Variants in TCTN2 observed in about 807,000 individuals in gnomAD.
TCTN2 encodes tectonic-2.
In TCTN2, 66 loss-of-function variants were observed where a neutral mutation model predicts 83.4. The observed-to-expected ratio is 0.79, with a 90% CI of 0.65 to 0.97. The LOEUF (loss-of-function observed/expected upper bound fraction) is 0.97. Among genes scored for constraint, TCTN2 ranks in the 50% least tolerant of loss-of-function variants. The pLI is 0.00. For synonymous variants in TCTN2, 301 were observed against 326.7 expected (o/e 0.92, Z 0.85); for missense variants, 794 against 858.1 (o/e 0.93, Z 0.93).
chr12:123,688,636 T>G (rs574134011), intron 7 of TCTN2, among the ~76,000 whole-genome samples: 1 of 152,354 alleles, frequency 6.6e-6, no homozygotes, highest in East Asian at 1.9e-4. Context: ...ACTGTTTATG[T>G]TCTCCAAATT....
At chr12:123,676,652 A>G (rs955756945) in intron 4 of TCTN2, among the ~76,000 whole-genome samples, 21 of 151,952 alleles carry the variant, frequency 1.4e-4, no homozygotes, top group Non-Finnish European at 4.4e-5. Flanking sequence ...AAACTTAGAA[A>G]ATTGAACATC....
intron 13 of TCTN2, among the ~76,000 whole-genome samples, chr12:123,698,925 A>G (rs933981397): frequency 3.9e-5 from 6 of 151,932 alleles, no homozygotes; most frequent in Non-Finnish European, 7.4e-5. Flanking sequence ...TGAGATTTGT[A>G]CCCTCCAGTG....
chr12:123,682,226 C>T (rs755528319), intron 5 of TCTN2, among the ~76,000 whole-genome samples: 1 of 152,226 alleles, frequency 6.6e-6, no homozygotes, highest in Non-Finnish European at 1.5e-5. Context: ...CTGGCCTCAG[C>T]CTCCCAAAGT....
At chr12:123,697,311 G>C (rs1022099400) in intron 13 of TCTN2, 113 bp downstream of exon 13, 15 of 798,524 alleles carry the variant, frequency 1.9e-5, no homozygotes, top group Non-Finnish European at 3.1e-5. Flanking sequence ...CAATTAAAAT[G>C]TGTAAAAGTG....
At chr12:123,678,244 G>T (rs1955849145) in intron 4 of TCTN2, among the ~76,000 whole-genome samples, 1 of 152,234 alleles carries the variant, frequency 6.6e-6, no homozygotes, top group South Asian at 2.1e-4. Context: ...ACACTGGACA[G>T]TTGAAAGGGG....
intron 6 of TCTN2, among the ~76,000 whole-genome samples, 194 bp from the exon 7 acceptor site, chr12:123,687,857 G>A (rs933364022): frequency 2.0e-5 from 3 of 151,730 alleles, no homozygotes; most frequent in Non-Finnish European, 4.4e-5. Flanking sequence ...CAGCTTACTC[G>A]GGAGACTGAG....
In TCTN2 at chr12:123,694,996, C is replaced by A. The variant is rs1254762386; in HGVS notation, c.1234+20C>A. 6.2e-7 allele frequency: 1 copy of A among 1,612,004 alleles called. No individual in the cohort carries two copies. The highest frequency in any genetic ancestry group is 2.2e-5 in the East Asian group (1 of 44,852). On this transcript the variant is annotated intron_variant, in intron 10 of 17. Coordinates refer to ENST00000303372, the MANE Select transcript of TCTN2 (RefSeq NM_024809.5). ...AGAAAGGTAACTTTGATGAGGGTAG[C>A]AAGCATGCTTTCACTGAAAAGTATT...
At position 123,699,736 on chromosome 12, in the gene TCTN2, T is replaced by TA; in HGVS notation, c.1539dup (p.Gln514ThrfsTer15). The TA allele has an allele frequency of 1.2e-6, 2 of 1,613,964 alleles. No homozygotes were observed. Among genetic ancestry groups the TA allele is most frequent in the Non-Finnish European group, 1.7e-6 (2 of 1,179,866 alleles). On this transcript the variant is annotated frameshift_variant, in exon 14 of 18. Transcript: ENST00000303372. LOFTEE classifies it high-confidence loss of function. ...GCTGTTGAAAGACTTGATTCATTAA[T>TA]ACAAGCGACTCACGTTGCAATGAGA...
At chr12:123,676,563 A>G (rs7969234) in intron 4 of TCTN2, among the ~76,000 whole-genome samples, 44,685 of 127,570 alleles carry the variant, frequency 0.35, 8,337 homozygotes, top group African/African-American at 0.41. Flanking sequence ...GCGAGACTCC[A>G]TCTAAAAAAA....
At chr12:123,685,808 C>T (rs897952039) in intron 5 of TCTN2, among the ~76,000 whole-genome samples, 9 of 150,558 alleles carry the variant, frequency 6.0e-5, no homozygotes, top group African/African-American at 2.0e-4. Context: ...TCACTGCAGC[C>T]TCAGCCTCCT....
rs538008079 is a variant in TCTN2 at position 123,706,706 on chromosome 12, A to G, written c.1770-20A>G. ...GAACTGAATGGTGGCTATGCTGACCATGTGATCTTTCCCTCCTAGGTTCTC... is the reference window on the plus strand; with the variant it reads ...GAACTGAATGGTGGCTATGCTGACCGTGTGATCTTTCCCTCCTAGGTTCTC... On this transcript the variant is annotated intron_variant, in intron 15 of 17. Coordinates refer to ENST00000303372, the MANE Select transcript of TCTN2 (RefSeq NM_024809.5). 55 of 1,613,878 alleles carry G rather than the reference A, an allele frequency of 3.4e-5. No homozygotes were observed. The African/African-American group carries it at 6.8e-4, about 20-fold the overall frequency.
At position 123,703,074 on chromosome 12, in the gene TCTN2, C is replaced by A. The variant is rs367790277; in HGVS notation, c.1613-1458C>A. Among the ~76,000 whole-genome samples the A allele has an allele frequency of 3.9e-5, 6 of 152,264 alleles. No homozygotes were observed. In the South Asian group the frequency reaches 1.2e-3, roughly 32 times the overall value. On this transcript the variant is annotated intron_variant, in intron 14 of 17. Coordinates refer to ENST00000303372, the MANE Select transcript of TCTN2 (RefSeq NM_024809.5). ...ATTTCTCATTCAATTTCATTCTCTT[C>A]CAATTGTATTAATACTATGGTAACA...
At chr12:123,677,695 C>T (rs1367224470) in intron 4 of TCTN2, among the ~76,000 whole-genome samples, 7 of 152,152 alleles carry the variant, frequency 4.6e-5, no homozygotes, top group South Asian at 2.1e-4. Flanking sequence ...CATTCACGCC[C>T]GCCACCTTCT....
At chr12:123,672,266 T>C (rs1955763981) in intron 3 of TCTN2, 134 bp downstream of exon 3, 2 of 861,358 alleles carry the variant, frequency 2.3e-6, no homozygotes, top group Non-Finnish European at 3.9e-6. Flanking sequence ...GGCTGTTGGA[T>C]CTGGTAGACA....
At chr12:123,706,898 A>G in intron 16 of TCTN2, 47 bp downstream of exon 16, 3 of 1,614,090 alleles carry the variant, frequency 1.9e-6, no homozygotes, top group Non-Finnish European at 2.5e-6. Context: ...AGAAAAATAT[A>G]TATTTGAAAA....
In TCTN2 at chr12:123,675,907, G is replaced by GA. The variant is rs895825834; in HGVS notation, c.463+2107dup. On this transcript the variant is annotated intron_variant, in intron 4 of 17. Coordinates refer to ENST00000303372, the MANE Select transcript of TCTN2 (RefSeq NM_024809.5). ...AGCCAAAAAAACCGTATTCAATGAT[G>GA]AAAAAAAAAATCCCCCCAAAACAAC... Among the ~76,000 whole-genome samples, 35 of 149,626 alleles carry GA rather than the reference G, an allele frequency of 2.3e-4. No homozygotes were observed. In the Middle Eastern group the frequency reaches 0.01, roughly 44 times the overall value.
chr12:123,686,943 G>A lies in TCTN2; in HGVS notation c.672G>A (p.Thr224=), dbSNP rs766226019. ...PFDQLCSAGT[T]TRGVPDWFPF... ...ATCAGCTCTGCTCTGCTGGGACGAC[G>A]ACACGTGGTGTCCCCGATTGGTTTC... The change falls in exon 6 of 18, where the codon ACG becomes ACA. Residue 224 remains threonine (T), a synonymous_variant. Coordinates refer to ENST00000303372, the MANE Select transcript of TCTN2 (RefSeq NM_024809.5). 3.7e-6 allele frequency: 6 copies of A among 1,614,156 alleles called. No individual in the cohort carries two copies. The highest frequency in any genetic ancestry group is 1.7e-5 in the Admixed American group (1 of 60,010).
At chr12:123,693,175 C>T (rs1486728333) in intron 9 of TCTN2, among the ~76,000 whole-genome samples, 29 of 150,958 alleles carry the variant, frequency 1.9e-4, no homozygotes, top group South Asian at 1.1e-3. Flanking sequence ...TATAGTCACC[C>T]GCCACCACAC....
In TCTN2 at chr12:123,686,852, TAAC is replaced by T. The variant is rs892557473; in HGVS notation, c.585_587del (p.Thr196del). On this transcript the variant is annotated inframe_deletion, in exon 6 of 18. Transcript: ENST00000303372. Reference sequence around the variant, plus strand: ...GTCTTCCAGGAATGCTCATCAAATTTAACAACGCTGTTCAGACGGTCCTGCTTC... The same window carrying T: ...GTCTTCCAGGAATGCTCATCAAATTTAACGCTGTTCAGACGGTCCTGCTTC... 2 of 1,614,216 alleles carry T rather than the reference TAAC, an allele frequency of 1.2e-6. No homozygotes were observed. The highest frequency in any genetic ancestry group is 2.7e-5 in the African/African-American group (2 of 75,066).
Sources: allele counts gnomAD v4.1 joint callset (sites outside exome capture counted in the v4.1 genomes callset), GRCh38; gene constraint gnomAD v4.1.1; transcripts MANE v1.5; gene names NCBI Gene and HGNC (gene_info 2026-07-23, HGNC 2026-07-21).